The following NCOR2 variants were observed in gnomAD, a reference collection of about 807,000 sequenced individuals.
The protein encoded by NCOR2 is CTG repeat protein 26.
A neutral mutation model predicts 262.9 loss-of-function variants in NCOR2; 81 were observed. The observed-to-expected ratio is 0.31, with a 90% CI of 0.26 to 0.37. The LOEUF is 0.37. Among genes scored for constraint, NCOR2 ranks in the 10% least tolerant of loss-of-function variants. NCOR2 has a pLI of 1.00. For missense variants in NCOR2, 3,385 were observed against 3,621.4 expected (o/e 0.93, Z 1.68); for synonymous variants, 1,659 against 1,559.3 (o/e 1.06, Z -1.51).
chr12:124,515,176 C>T (rs1187331400), intron 1 of NCOR2, among the ~76,000 whole-genome samples: 3 of 152,138 alleles, frequency 2.0e-5, no homozygotes, highest in Non-Finnish European at 4.4e-5. Context: ...AGCTCAGTTA[C>T]AGGCCAGCTT....
intron 3 of NCOR2, among the ~76,000 whole-genome samples, chr12:124,474,263 C>T (rs1215398609): frequency 6.6e-6 from 1 of 152,242 alleles, no homozygotes; most frequent in Non-Finnish European, 1.5e-5. Flanking sequence ...TGTTCCCAAA[C>T]ACACGGAAAA....
At chr12:124,563,934 T>C (rs1320487908) in intron 1 of NCOR2, among the ~76,000 whole-genome samples, 2 of 152,254 alleles carry the variant, frequency 1.3e-5, no homozygotes, top group South Asian at 2.1e-4. Context: ...TCCCAGGTCT[T>C]AATTCGTAGT....
intron 27 of NCOR2, among the ~76,000 whole-genome samples, chr12:124,352,882 G>A (rs183111310): frequency 6.6e-6 from 1 of 152,226 alleles, no homozygotes; most frequent in Admixed American, 6.5e-5. Context: ...AGATGGGCAG[G>A]AAGTCCCTGG....
chr12:124,376,266 C>T (rs1207194156), intron 18 of NCOR2, among the ~76,000 whole-genome samples: 11 of 152,234 alleles, frequency 7.2e-5, no homozygotes, highest in Non-Finnish European at 1.5e-5. Context: ...CATGCCCCTC[C>T]CCGTCCCTAC....
exon 11 of NCOR2, chr12:124,426,642 C>T (rs1452133243): frequency 6.3e-7 from 1 of 1,593,186 alleles, no homozygotes; most frequent in South Asian, 1.1e-5. Context: ...AGGTCTCCTT[C>T]TCCTGCTCAC....
At chr12:124,329,018 G>C in intron 44 of NCOR2, 1 of 437,418 alleles carries the variant, frequency 2.3e-6, no homozygotes, top group Admixed American at 2.5e-5. Flanking sequence ...AGCGCGACTG[G>C]GCCTTCTACC....
chr12:124,533,716 C>T (rs1227741840), intron 1 of NCOR2, among the ~76,000 whole-genome samples: 1 of 152,054 alleles, frequency 6.6e-6, no homozygotes, highest in Non-Finnish European at 1.5e-5. Flanking sequence ...ACTGCTTAAC[C>T]ACGGGGACAC....
Position 124,548,280 on chromosome 12 carries a change from G to T in NCOR2, c.-164-12669C>A, listed in dbSNP as rs892707784. 6.6e-6 allele frequency among the ~76,000 whole-genome samples: 1 copy of T among 152,224 alleles called. No individual in the cohort carries two copies. The highest frequency in any genetic ancestry group is 1.9e-4 in the East Asian group (1 of 5,192). On this transcript the variant is annotated intron_variant, in intron 1 of 32. Coordinates refer to the NCOR2 transcript ENST00000458234. This position sits in a 1 kb window ranked among gnomAD's most constrained non-coding sequence, Gnocchi z 5.1. ...AGGCCCAGAGGCAGATGCGGTCGGT[G>T]AGGGCTGAGGAGCTCCCGGGTGGCC... is the stretch of plus-strand genomic sequence containing the variant.
chr12:124,334,629 T>C lies in NCOR2; in HGVS notation c.6412-12A>G, dbSNP rs1481487642. The C allele has an allele frequency of 2.6e-6, 3 of 1,170,358 alleles. No homozygotes were observed. Among genetic ancestry groups the C allele is most frequent in the Non-Finnish European group, 3.2e-6 (3 of 947,224 alleles). The allele number at this position is 1,170,358 out of a possible 1,614,324, so 72.5% of individuals were successfully genotyped here. ...TGTGTGATGACCTCCTGCAGGCAAG[T>C]GGGGGGGCCCAGAGTCAGGCAGCAC... On this transcript the variant is annotated splice_polypyrimidine_tract_variant and intron_variant, in intron 40 of 46. Coordinates refer to ENST00000405201, the Ensembl canonical transcript of NCOR2.
rs2136369941 is a variant in NCOR2, at chr12:124,432,806, A to G, written c.883-2019T>C. On this transcript the variant is annotated intron_variant, in intron 8 of 46. Transcript: ENST00000405201. The surrounding 1 kb of genome is among the most constrained non-coding windows in gnomAD (Gnocchi z 5.1). The stretch of plus-strand genomic sequence containing the variant: ...TTGAGAAGAGATCCCCAATCAGCCC[A>G]GAGCATAGCTGCCTGGCTTCCACAT... Among the ~76,000 whole-genome samples the G allele has an allele frequency of 7.1e-6, 1 of 140,030 alleles. No homozygotes were observed. Among genetic ancestry groups the G allele is most frequent in the East Asian group, 2.3e-4 (1 of 4,324 alleles). The allele number at this position is 140,030 out of a possible 152,430, so 91.9% of individuals were successfully genotyped here.
chr12:124,376,956 C>T (rs2040051972), intron 18 of NCOR2, among the ~76,000 whole-genome samples: 1 of 152,208 alleles, frequency 6.6e-6, no homozygotes, highest in African/African-American at 2.4e-5. Flanking sequence ...GGCTGAGGTC[C>T]TCCAGGGGCC....
At chr12:124,397,868 G>C (rs1379915582) in intron 16 of NCOR2, among the ~76,000 whole-genome samples, 1 of 152,240 alleles carries the variant, frequency 6.6e-6, no homozygotes, top group Non-Finnish European at 1.5e-5. Flanking sequence ...CACAAGCTGT[G>C]TCTCTCTGAG....
Position 124,521,037 on chromosome 12 carries a change from G to A in NCOR2, c.-118+14528C>T, listed in dbSNP as rs533902455. Among the ~76,000 whole-genome samples, 12 of 152,344 alleles carry A rather than the reference G, an allele frequency of 7.9e-5. No homozygotes were observed. The East Asian group carries it at 1.5e-3, about 20-fold the overall frequency. Reference sequence around the variant, plus strand: ...CGAGGCATCAGAAGGCTCAGCTGGCGAATGGGGGAGCTCCTGCCTGCTGCC... The same window carrying A: ...CGAGGCATCAGAAGGCTCAGCTGGCAAATGGGGGAGCTCCTGCCTGCTGCC... On this transcript the variant is annotated intron_variant, in intron 1 of 46. Coordinates refer to the NCOR2 transcript ENST00000404621.
chr12:124,555,207 A>G (rs1426925209), intron 1 of NCOR2, among the ~76,000 whole-genome samples: 1 of 152,200 alleles, frequency 6.6e-6, no homozygotes, highest in Non-Finnish European at 1.5e-5. Context: ...ATGTGGTGCC[A>G]AGCGAGCTTG....
chr12:124,351,223 G>C (rs2037430194), intron 27 of NCOR2, among the ~76,000 whole-genome samples: 1 of 152,166 alleles, frequency 6.6e-6, no homozygotes, highest in Admixed American at 6.5e-5. Flanking sequence ...GGGACGCTGG[G>C]GTTTCTGCTC....
intron 1 of NCOR2, among the ~76,000 whole-genome samples, chr12:124,509,005 C>T (rs2049217268): frequency 6.6e-6 from 1 of 152,142 alleles, no homozygotes; most frequent in South Asian, 2.1e-4. Context: ...GCCACCTGCT[C>T]CACCCCAATG....
intron 3 of NCOR2, among the ~76,000 whole-genome samples, chr12:124,480,238 C>T (rs1170845668): frequency 6.6e-6 from 1 of 152,232 alleles, no homozygotes; most frequent in Non-Finnish European, 1.5e-5. Context: ...TGGCCTTTGC[C>T]CTGAGGCTGC....
intron 16 of NCOR2, chr12:124,388,933 C>T (rs1323962042): frequency 2.1e-5 from 7 of 337,574 alleles, no homozygotes; most frequent in Non-Finnish European, 2.8e-5. Context: ...GAGGCTGGCT[C>T]GAGAGGGGCG....
At chr12:124,353,959 T>A in intron 27 of NCOR2, 134 bp downstream of exon 29, 1 of 785,888 alleles carries the variant, frequency 1.3e-6, no homozygotes. Context: ...TGAAAGTTCA[T>A]GGAGTGAACT....
Sources: allele counts gnomAD v4.1 joint callset (sites outside exome capture counted in the v4.1 genomes callset), GRCh38; gene constraint gnomAD v4.1.1; non-coding constraint Gnocchi (gnomAD v3.1); transcripts MANE v1.5; gene names NCBI Gene and HGNC (gene_info 2026-07-23, HGNC 2026-07-21).